Variants in SREBF2 observed in about 807,000 individuals in gnomAD.
The protein encoded by SREBF2 is sterol regulatory element-binding protein 2.
Under a neutral mutation model 113.1 loss-of-function variants are expected in SREBF2, and 55 were observed. The observed-to-expected ratio is 0.49, with a 90% CI of 0.39 to 0.61. The LOEUF (loss-of-function observed/expected upper bound fraction) is 0.61. SREBF2 is among the 20% of genes least tolerant of loss of function. The pLI is 0.00. For missense variants in SREBF2, 1,349 were observed against 1,487.4 expected, an observed-to-expected ratio of 0.91 and a Z score of 1.53; for synonymous variants, 593 against 605.7, an observed-to-expected ratio of 0.98 and a Z score of 0.31.
chr22:41,885,423 G>A (rs2077290582), intron 11 of SREBF2, among the ~76,000 whole-genome samples: 1 of 152,226 alleles, frequency 6.6e-6, no homozygotes, highest in Admixed American at 6.5e-5. Context: ...TGGGCATCTT[G>A]TATTGATCAC....
intron 1 of SREBF2, among the ~76,000 whole-genome samples, chr22:41,837,858 C>CAAA (rs35054500): frequency 9.7e-6 from 1 of 102,956 alleles, no homozygotes; most frequent in African/African-American, 4.4e-5. Flanking sequence ...GACTCTGTCT[C>CAAA]AAAAAAAAAA....
At chr22:41,899,229 C>G in intron 15 of SREBF2, 1 of 1,082,944 alleles carries the variant, frequency 9.2e-7, no homozygotes, top group Non-Finnish European at 1.1e-6. Flanking sequence ...TATCCACTTT[C>G]CTTCCAGCCA....
chr22:41,899,215 A>C (rs2077442969), intron 15 of SREBF2: 2 of 1,091,858 alleles, frequency 1.8e-6, no homozygotes, highest in South Asian at 5.2e-5. Context: ...GTGTGCTAGC[A>C]TTTTATCCAC....
At chr22:41,873,253 G>A (rs1224553267) in intron 4 of SREBF2, among the ~76,000 whole-genome samples, 2 of 152,040 alleles carry the variant, frequency 1.3e-5, no homozygotes. Flanking sequence ...AGAAAACAGA[G>A]ATGAAGAATA....
chr22:41,849,934 C>T (rs909279674), intron 1 of SREBF2, among the ~76,000 whole-genome samples: 2 of 117,390 alleles, frequency 1.7e-5, no homozygotes, highest in Admixed American at 1.1e-4. Flanking sequence ...GTCAGGAGAT[C>T]GAGACCATCC....
chr22:41,864,419 C>G (rs985647859), intron 1 of SREBF2, among the ~76,000 whole-genome samples: 2 of 147,608 alleles, frequency 1.4e-5, no homozygotes, highest in Admixed American at 1.4e-4. Context: ...CTCCCGGGTT[C>G]ACTCCATTCT....
At chr22:41,839,475 G>C (rs549537593) in intron 1 of SREBF2, among the ~76,000 whole-genome samples, 1 of 152,120 alleles carries the variant, frequency 6.6e-6, no homozygotes. Context: ...GCAAGGAGTC[G>C]TGGGACTTGG....
intron 5 of SREBF2, 26 bp from the exon 6 acceptor site, chr22:41,875,311 G>T (rs2077184795): frequency 6.3e-7 from 1 of 1,596,130 alleles, no homozygotes; most frequent in Non-Finnish European, 8.6e-7. Context: ...TGGTCTCACT[G>T]TGTTTTCACT....
At position 41,898,691 on chromosome 22, in the gene SREBF2, T is replaced by C; in HGVS notation, c.2648T>C (p.Val883Ala). Residue 883 changes from valine (V) to alanine (A), a missense_variant, in exon 15 of 19, where the codon GTG becomes GCG. By Grantham distance (64) the Val-to-Ala change is moderately conservative. This residue lies in a region of SREBF2 where 650 missense variants were observed against 644.1 expected (regional missense o/e 1.01). Coordinates refer to ENST00000361204, the MANE Select transcript of SREBF2 (RefSeq NM_004599.4). Reference sequence around the variant, plus strand: ...CGGTGGTGGACGTCTGCAATCACTGTGGCCATCAGCTGGCTCCAGGGAGAC... The same window carrying C: ...CGGTGGTGGACGTCTGCAATCACTGCGGCCATCAGCTGGCTCCAGGGAGAC... ...ICRWWTSAIT[V>A]AISWLQGDDA... 2 of 1,614,106 alleles carry C rather than the reference T, an allele frequency of 1.2e-6. No homozygotes were observed. The highest frequency in any genetic ancestry group is 2.7e-5 in the African/African-American group (2 of 75,038).
At chr22:41,880,566 T>C (rs911634181) in intron 9 of SREBF2, 150 bp from the exon 10 acceptor site, 37 of 1,039,066 alleles carry the variant, frequency 3.6e-5, no homozygotes, top group African/African-American at 4.8e-5. Context: ...GGTTTTGTTT[T>C]ACTTTCTTGT....
At chr22:41,842,526 T>C (rs1210441409) in intron 1 of SREBF2, among the ~76,000 whole-genome samples, 1 of 152,226 alleles carries the variant, frequency 6.6e-6, no homozygotes, top group African/African-American at 2.4e-5. Context: ...CATCTGAAGG[T>C]ATTTTCAGTC....
At chr22:41,862,755 C>T (rs1042092035) in intron 1 of SREBF2, among the ~76,000 whole-genome samples, 4 of 152,180 alleles carry the variant, frequency 2.6e-5, no homozygotes, top group Non-Finnish European at 5.9e-5. Context: ...AGAGGCTCTG[C>T]GTGCCCTTCT....
chr22:41,855,782 G>A (rs1308406240), intron 1 of SREBF2, among the ~76,000 whole-genome samples: 1 of 150,804 alleles, frequency 6.6e-6, no homozygotes, highest in African/African-American at 2.4e-5. Flanking sequence ...TGAGTCAGGG[G>A]TCTTGCTCTG....
At chr22:41,896,658 C>T (rs1172502949) in intron 13 of SREBF2, among the ~76,000 whole-genome samples, 1 of 152,172 alleles carries the variant, frequency 6.6e-6, no homozygotes, top group Admixed American at 6.5e-5. Context: ...CGTGCCCGGC[C>T]CCAAAGTCAC....
chr22:41,843,635 G>T lies in SREBF2; in HGVS notation c.88+10277G>T, dbSNP rs141902713. Among the ~76,000 whole-genome samples the T allele has an allele frequency of 7.9e-5, 12 of 152,196 alleles. No homozygotes were observed. The South Asian group carries it at 1.0e-3, about 13-fold the overall frequency. On this transcript the variant is annotated intron_variant, in intron 1 of 18. Transcript: ENST00000361204. ...CCCATGCCCTGTCTGATGTAAGCAG[G>T]CTTCTAAGTTGCAAATACCAGGTGG...
chr22:41,871,721 A>G (rs1005396546), intron 4 of SREBF2, among the ~76,000 whole-genome samples: 5 of 151,528 alleles, frequency 3.3e-5, no homozygotes, highest in African/African-American at 9.7e-5. Flanking sequence ...GTGAAACCCC[A>G]TTTCTACTAA....
chr22:41,871,802 G>A (rs1000972466), intron 4 of SREBF2, among the ~76,000 whole-genome samples: 1 of 151,822 alleles, frequency 6.6e-6, no homozygotes, highest in South Asian at 2.1e-4. Context: ...AGGAGGCTGA[G>A]GCAGGAGAAT....
intron 15 of SREBF2, chr22:41,899,470 A>G (rs1433283832): frequency 1.3e-5 from 13 of 995,128 alleles, no homozygotes; most frequent in Non-Finnish European, 1.6e-5. Flanking sequence ...GAAAGGCCCC[A>G]CGAGGTCCTA....
intron 10 of SREBF2, 36 bp downstream of exon 10, chr22:41,881,028 A>G: frequency 6.3e-7 from 1 of 1,597,768 alleles, no homozygotes; most frequent in Non-Finnish European, 8.5e-7. Flanking sequence ...GCTTGCTGCA[A>G]GGCATCTCAT....
Sources: gnomAD v4.1 joint callset for allele counts (sites outside exome capture counted in the v4.1 genomes callset) on GRCh38, gnomAD v4.1.1 for gene constraint, gnomAD v4.1.1 regional missense constraint, MANE v1.5 for transcripts, NCBI Gene and HGNC (gene_info 2026-07-23, HGNC 2026-07-21) for gene names.